Variants in RFX6 observed in about 807,000 individuals in gnomAD.
RFX6 encodes the protein DNA-binding protein RFX6.
In RFX6, 50 loss-of-function variants were observed where a neutral mutation model predicts 110.8. The ratio of observed to expected loss-of-function variants is 0.45; its 90% CI spans 0.36 to 0.57. The LOEUF is 0.57. Ranked by LOEUF, RFX6 falls within the 20% of genes least tolerant of loss-of-function variation. The probability of loss-of-function intolerance (pLI) is 0.00; values close to 1 mark genes in which losing one functional copy is unlikely to be tolerated. For synonymous variants in RFX6, 383 were observed against 411.2 expected, an observed-to-expected ratio of 0.93 and a Z score of 0.83; for missense variants, 990 against 1,127.0, an observed-to-expected ratio of 0.88 and a Z score of 1.74.
At chr6:116,922,897 G>A (rs979691218) in intron 13 of RFX6, among the ~76,000 whole-genome samples, 2 of 152,096 alleles carry the variant, frequency 1.3e-5, no homozygotes, top group Non-Finnish European at 2.9e-5. Flanking sequence ...AGGAAACAAA[G>A]CCATATTGAA....
At chr6:116,888,704 C>A (rs1288373390) in intron 4 of RFX6, among the ~76,000 whole-genome samples, 1 of 152,100 alleles carries the variant, frequency 6.6e-6, no homozygotes, top group Non-Finnish European at 1.5e-5. Context: ...CACAGTGAGA[C>A]AAACATCACT....
intron 6 of RFX6, among the ~76,000 whole-genome samples, 184 bp from the exon 7 acceptor site, chr6:116,910,751 A>C (rs779992450): frequency 1.6e-4 from 25 of 152,216 alleles, no homozygotes; most frequent in Admixed American, 2.6e-4. Flanking sequence ...TTTGAAAACC[A>C]TTTGGCTGAC....
chr6:116,893,661 T>C (rs915070829), intron 4 of RFX6, among the ~76,000 whole-genome samples: 2 of 152,198 alleles, frequency 1.3e-5, no homozygotes, highest in African/African-American at 4.8e-5. Context: ...TGTAAATACA[T>C]ACAGTACATA....
At chr6:116,901,706 CA>C (rs1250183956) in intron 6 of RFX6, among the ~76,000 whole-genome samples, 1 of 152,144 alleles carries the variant, frequency 6.6e-6, no homozygotes, top group African/African-American at 2.4e-5. Context: ...GATTGTCTCA[CA>C]TATATTACAT....
Position 116,930,113 on chromosome 6 carries a change from G to T in RFX6, c.2611+1142G>T, listed in dbSNP as rs1884833. ...CTGAAGAGATAGTGGAAGCTTTGACGAAACATAGGTTAAGAGTAGGGTGGA... is the reference window on the plus strand; with the variant it reads ...CTGAAGAGATAGTGGAAGCTTTGACTAAACATAGGTTAAGAGTAGGGTGGA... On this transcript the variant is annotated intron_variant, in intron 18 of 18. Transcript: ENST00000332958. 4.0e-3 allele frequency among the ~76,000 whole-genome samples: 602 copies of T among 152,234 alleles called. 2 individuals carry two copies. The highest frequency in any genetic ancestry group is 0.014 in the African/African-American group (574 of 41,538).
At chr6:116,926,343 T>TA (rs1396243126) in intron 16 of RFX6, among the ~76,000 whole-genome samples, 1 of 152,224 alleles carries the variant, frequency 6.6e-6, no homozygotes, top group African/African-American at 2.4e-5. Context: ...GGATAATCGT[T>TA]ACAATAATTC....
chr6:116,892,403 C>A (rs1774851492), intron 4 of RFX6, among the ~76,000 whole-genome samples: 1 of 152,180 alleles, frequency 6.6e-6, no homozygotes, highest in African/African-American at 2.4e-5. Flanking sequence ...TCCCTGGGGC[C>A]CTGGAATTCC....
chr6:116,916,104 G>A lies in RFX6; in HGVS notation c.858+19G>A. On this transcript the variant is annotated intron_variant, in intron 8 of 18. Coordinates refer to ENST00000332958, the MANE Select transcript of RFX6 (RefSeq NM_173560.4). ...TGAAGAGGTAAGAATGACAAAGAATGCTTTATTTGACCCTATTATATATAC... is the reference window on the plus strand; with the variant it reads ...TGAAGAGGTAAGAATGACAAAGAATACTTTATTTGACCCTATTATATATAC... 6.3e-7 allele frequency: 1 copy of A among 1,581,608 alleles called. No individual in the cohort carries two copies. The highest frequency in any genetic ancestry group is 8.7e-7 in the Non-Finnish European group (1 of 1,150,926).
At chr6:116,917,959 A>G in intron 9 of RFX6, 78 bp from the exon 10 acceptor site, 1 of 968,620 alleles carries the variant, frequency 1.0e-6, no homozygotes, top group Non-Finnish European at 1.7e-6. Context: ...TAGGAATAAA[A>G]AGTAGTTGAC....
intron 7 of RFX6, 74 bp from the exon 8 acceptor site, chr6:116,915,934 T>C: frequency 9.6e-7 from 1 of 1,043,566 alleles, no homozygotes; most frequent in Non-Finnish European, 1.5e-6. Context: ...TTAAAAAATC[T>C]GTGTTGAACA....
At chr6:116,884,921 A>G (rs892085324) in intron 4 of RFX6, 1 of 152,264 alleles carries the variant, frequency 6.6e-6, no homozygotes, top group Admixed American at 6.5e-5. Context: ...GACTTTTTTG[A>G]TATGTTTATA....
chr6:116,920,612 C>A (rs1775574336), intron 12 of RFX6, among the ~76,000 whole-genome samples, 158 bp downstream of exon 12: 1 of 151,972 alleles, frequency 6.6e-6, no homozygotes, highest in South Asian at 2.1e-4. Context: ...CAGCCTCCCC[C>A]AAGCTGAGAC....
chr6:116,885,717 T>A (rs1453563281), intron 4 of RFX6, among the ~76,000 whole-genome samples: 1 of 149,738 alleles, frequency 6.7e-6, no homozygotes, highest in Non-Finnish European at 1.5e-5. Flanking sequence ...TAAGTTTTAT[T>A]AAGTTTTTTT....
rs529131454 is a variant in RFX6, at chr6:116,881,918, G to A, written c.505-449G>A. On this transcript the variant is annotated intron_variant, in intron 3 of 18. Coordinates refer to ENST00000332958, the MANE Select transcript of RFX6 (RefSeq NM_173560.4). Reference sequence around the variant, plus strand: ...CTAATTTTAGCAACTTTAGAGAAAGGAACATACAAAACAAAAAATTTATAA... The same window carrying A: ...CTAATTTTAGCAACTTTAGAGAAAGAAACATACAAAACAAAAAATTTATAA... Among the ~76,000 whole-genome samples, 3 of 152,112 alleles carry A rather than the reference G, an allele frequency of 2.0e-5. No individual in the cohort carries two copies. In the East Asian group the frequency reaches 5.8e-4, roughly 29 times the overall value.
chr6:116,922,300 C>A (rs1775618344), intron 13 of RFX6, 149 bp downstream of exon 13: 1 of 649,556 alleles, frequency 1.5e-6, no homozygotes. Context: ...ATAAGGCAGG[C>A]CAAATACTGA....
chr6:116,911,325 A>G (rs554292107), intron 7 of RFX6, among the ~76,000 whole-genome samples: 1 of 152,322 alleles, frequency 6.6e-6, no homozygotes, highest in African/African-American at 2.4e-5. Context: ...AAAATACTAG[A>G]ATGTGGCTGT....
intron 10 of RFX6, 71 bp downstream of exon 10, chr6:116,918,157 A>T: frequency 9.6e-7 from 1 of 1,039,002 alleles, no homozygotes; most frequent in East Asian, 2.4e-5. Context: ...TTAGAAGAAA[A>T]CATTAGGTAG....
chr6:116,927,291 T>C lies in RFX6; in HGVS notation c.2150T>C (p.Leu717Pro). 4 of 1,614,224 alleles carry C rather than the reference T, an allele frequency of 2.5e-6. No individual in the cohort carries two copies. The highest frequency in any genetic ancestry group is 3.4e-6 in the Non-Finnish European group (4 of 1,180,036). Residue 717 changes from leucine (L) to proline (P), a missense_variant, in exon 17 of 19, where the codon CTC (leucine) becomes CCC (proline). Around this residue, in one of 5 missense-constraint regions of RFX6, gnomAD observed 438 missense variants for 441.9 expected, o/e 0.99. Transcript: ENST00000332958. ...FRAQPHSTSG[L>P]YPHHTEHGRC... Reference sequence around the variant, plus strand: ...GCACAGCCCCACTCCACATCAGGACTCTATCCTCATCACACCGAGCATGGT... The same window carrying C: ...GCACAGCCCCACTCCACATCAGGACCCTATCCTCATCACACCGAGCATGGT...
At chr6:116,877,771 T>C in intron 1 of RFX6, 25 bp from the exon 2 acceptor site, 1 of 1,612,768 alleles carries the variant, frequency 6.2e-7, no homozygotes, top group Non-Finnish European at 8.5e-7. Flanking sequence ...TATTTTTCTT[T>C]ATCATCCCTT....
Sources: allele counts gnomAD v4.1 joint callset (sites outside exome capture counted in the v4.1 genomes callset), GRCh38; gene constraint gnomAD v4.1.1; regional missense constraint gnomAD v4.1.1; transcripts MANE v1.5; gene names NCBI Gene and HGNC (gene_info 2026-07-23, HGNC 2026-07-21).